The following HHIP variants were observed in gnomAD, a reference collection of about 807,000 sequenced individuals.
HHIP encodes the protein hedgehog interacting protein.
Under a neutral mutation model 74.0 loss-of-function variants are expected in HHIP, and 12 were observed. The observed-to-expected ratio is 0.16, with a 90% confidence interval of 0.10 to 0.26. The LOEUF is 0.26. HHIP is among the 10% of genes least tolerant of loss of function. The pLI is 1.00. For missense variants in HHIP, 788 were observed against 845.0 expected, an observed-to-expected ratio of 0.93 and a Z score of 0.84; for synonymous variants, 309 against 311.6, an observed-to-expected ratio of 0.99 and a Z score of 0.09.
chr4:144,676,912 G>T (rs978864559), intron 4 of HHIP, among the ~76,000 whole-genome samples: 3 of 152,212 alleles, frequency 2.0e-5, no homozygotes, highest in Admixed American at 2.0e-4. Flanking sequence ...GTCTCACATA[G>T]GAATGATTCT....
chr4:144,699,818 C>T (rs1644478104), intron 4 of HHIP, among the ~76,000 whole-genome samples: 1 of 151,924 alleles, frequency 6.6e-6, no homozygotes, highest in South Asian at 2.1e-4. Flanking sequence ...ACCCAGGGAC[C>T]TCAGGGGATT....
intron 4 of HHIP, among the ~76,000 whole-genome samples, chr4:144,690,182 T>C (rs1000415544): frequency 6.6e-6 from 1 of 152,190 alleles, no homozygotes; most frequent in African/African-American, 2.4e-5. Flanking sequence ...AATTGAGGTA[T>C]AGGTCTTAGA....
chr4:144,718,004 G>T (rs1198957333), intron 10 of HHIP, among the ~76,000 whole-genome samples: 2 of 152,170 alleles, frequency 1.3e-5, no homozygotes, highest in African/African-American at 4.8e-5. Context: ...TCTGTGCAAA[G>T]CTCTGTTCTG....
intron 4 of HHIP, among the ~76,000 whole-genome samples, chr4:144,665,761 C>T (rs146899182): frequency 9.1e-4 from 138 of 152,164 alleles, no homozygotes; most frequent in African/African-American, 3.0e-3. Flanking sequence ...GTTTATTTTC[C>T]ACCCTATTTT....
At position 144,646,558 on chromosome 4, in the gene HHIP, C is replaced by G. The variant is rs990679097; in HGVS notation, c.-118C>G. On this transcript the variant is annotated 5_prime_UTR_variant, in exon 1 of 13. Coordinates refer to ENST00000296575, the MANE Select transcript of HHIP (RefSeq NM_022475.3). ...TTTTGTCCCCGCCACCTCCCTCTGTCTCTGGAGTGCCCTACAGCCCCGCAA... is the reference window on the plus strand; with the variant it reads ...TTTTGTCCCCGCCACCTCCCTCTGTGTCTGGAGTGCCCTACAGCCCCGCAA... 10 of 1,014,650 alleles carry G rather than the reference C, an allele frequency of 9.9e-6. No individual in the cohort carries two copies. The African/African-American group carries it at 1.3e-4, about 13-fold the overall frequency. 62.9% of individuals were successfully genotyped at this position (1,014,650 alleles called of 1,614,324 possible). A position where few individuals can be genotyped will look rare whatever the true frequency, so the allele number is the denominator to read the frequency against.
At chr4:144,698,487 C>T (rs1729883913) in intron 4 of HHIP, among the ~76,000 whole-genome samples, 1 of 152,160 alleles carries the variant, frequency 6.6e-6, no homozygotes, top group African/African-American at 2.4e-5. Flanking sequence ...ACCACATAGC[C>T]TAGATGTGTA....
chr4:144,723,498 G>T (rs1426495187), intron 11 of HHIP, among the ~76,000 whole-genome samples: 1 of 152,190 alleles, frequency 6.6e-6, no homozygotes, highest in African/African-American at 2.4e-5. Flanking sequence ...ATCTCAGGGA[G>T]CCAGCAGGCA....
At position 144,743,538 on chromosome 4, in the gene HHIP, A is replaced by G. The variant is rs1731318900; in HGVS notation, c.*5581A>G. ...AAGGTTACTTCTCACATACATCATAAAGTCAGCCATCATCTTTCATTTAGG... is the reference window on the plus strand; with the variant it reads ...AAGGTTACTTCTCACATACATCATAGAGTCAGCCATCATCTTTCATTTAGG... On this transcript the variant is annotated 3_prime_UTR_variant, in exon 13 of 13. Coordinates refer to ENST00000296575, the MANE Select transcript of HHIP (RefSeq NM_022475.3). The G allele has an allele frequency of 6.6e-6, 1 of 152,030 alleles. No homozygotes were observed. The highest frequency in any genetic ancestry group is 1.5e-5 in the Non-Finnish European group (1 of 67,934). The allele number at this position is 152,030 out of a possible 1,614,324, so 9.4% of individuals were successfully genotyped here.
intron 2 of HHIP, among the ~76,000 whole-genome samples, chr4:144,654,504 G>A (rs775423102): frequency 1.3e-5 from 2 of 152,122 alleles, no homozygotes; most frequent in Non-Finnish European, 2.9e-5. Context: ...CTGCCCCTGC[G>A]TACCTCAAAT....
chr4:144,660,545 T>C (rs566755909), intron 4 of HHIP, among the ~76,000 whole-genome samples: 1 of 152,048 alleles, frequency 6.6e-6, no homozygotes, highest in East Asian at 1.9e-4. Flanking sequence ...AGTAACAATA[T>C]GATTTGGGAA....
chr4:144,707,700 C>G (rs1226516702), intron 6 of HHIP, among the ~76,000 whole-genome samples: 7 of 144,886 alleles, frequency 4.8e-5, no homozygotes, highest in Admixed American at 4.1e-4. Flanking sequence ...CACCATCACA[C>G]AGTGTCTTGG....
At chr4:144,716,627 C>T (rs534779662) in intron 10 of HHIP, among the ~76,000 whole-genome samples, 2 of 151,818 alleles carry the variant, frequency 1.3e-5, no homozygotes, top group African/African-American at 4.8e-5. Context: ...GCAGGTGGAT[C>T]GTCTGACATT....
At chr4:144,663,623 T>C (rs2126594446) in intron 4 of HHIP, among the ~76,000 whole-genome samples, 1 of 152,314 alleles carries the variant, frequency 6.6e-6, no homozygotes, top group African/African-American at 2.4e-5. Flanking sequence ...GGGTTAATTC[T>C]GGCAGCATGT....
At chr4:144,693,700 T>G (rs1199258407) in intron 4 of HHIP, among the ~76,000 whole-genome samples, 1 of 152,004 alleles carries the variant, frequency 6.6e-6, no homozygotes. Flanking sequence ...TTTTTAGATA[T>G]GTATAATGTA....
intron 11 of HHIP, among the ~76,000 whole-genome samples, chr4:144,733,822 G>T (rs1448775980): frequency 6.6e-6 from 1 of 152,144 alleles, no homozygotes. Flanking sequence ...TTGTGACCAT[G>T]ACTCCAGCCT....
intron 4 of HHIP, among the ~76,000 whole-genome samples, chr4:144,703,615 G>C (rs899445370): frequency 6.6e-6 from 1 of 152,178 alleles, no homozygotes; most frequent in African/African-American, 2.4e-5. Flanking sequence ...TGGGCTAGGG[G>C]ATCAGACCAA....
intron 4 of HHIP, among the ~76,000 whole-genome samples, chr4:144,683,281 ACAGAG>A (rs1370302031): frequency 6.6e-6 from 1 of 152,232 alleles, no homozygotes; most frequent in Non-Finnish European, 1.5e-5. Context: ...TGAGATAAAC[ACAGAG>A]CTAAGCTATT....
chr4:144,710,713 A>AT (rs1420801939), intron 7 of HHIP, among the ~76,000 whole-genome samples: 3 of 152,086 alleles, frequency 2.0e-5, no homozygotes, highest in African/African-American at 7.2e-5. Context: ...TTAGAGTGTG[A>AT]TGGGGGTGAG....
intron 12 of HHIP, among the ~76,000 whole-genome samples, chr4:144,736,961 T>C (rs556925401): frequency 9.2e-5 from 14 of 152,140 alleles, no homozygotes; most frequent in Non-Finnish European, 1.6e-4. Context: ...CATAAGGAAA[T>C]GTATTGAAGG....
Sources: allele counts gnomAD v4.1 joint callset (sites outside exome capture counted in the v4.1 genomes callset), GRCh38; gene constraint gnomAD v4.1.1; transcripts MANE v1.5; gene names NCBI Gene and HGNC (gene_info 2026-07-23, HGNC 2026-07-21).